The following PSMD13 variants were observed in gnomAD, a reference collection of about 807,000 sequenced individuals.
The protein encoded by PSMD13 is 26S proteasome non-ATPase regulatory subunit 13.
PSMD13 carries 8 observed loss-of-function variants against 57.4 expected under a neutral mutation model. That is an observed-to-expected ratio of 0.14 (90% CI 0.08 to 0.25). The LOEUF is 0.25. Among genes scored for constraint, PSMD13 ranks in the 10% least tolerant of loss-of-function variants. The pLI, the probability that PSMD13 is intolerant of heterozygous loss-of-function variation, is 1.00. For missense variants in PSMD13, 400 were observed against 461.5 expected, an observed-to-expected ratio of 0.87 and a Z score of 1.22; for synonymous variants, 193 against 168.2, an observed-to-expected ratio of 1.15 and a Z score of -1.14.
At chr11:247,198 C>CA (rs1255373723) in intron 6 of PSMD13, 79 bp from the exon 7 acceptor site, 1 of 1,425,672 alleles carries the variant, frequency 7.0e-7, no homozygotes, top group Non-Finnish European at 9.4e-7. Flanking sequence ...CCCTAGGCAA[C>CA]AGAGTGAGAC....
At position 239,236 on chromosome 11, in the gene PSMD13, G is replaced by A. The variant is rs562062923; in HGVS notation, c.174+160G>A. On this transcript the variant is annotated intron_variant, in intron 2 of 12. Transcript: ENST00000532097. The stretch of plus-strand genomic sequence containing the variant: ...CGCTTCACATATCCTTCATGACAAC[G>A]CTGGTCAGTAGATACTACTATCTCA... 8.5e-5 allele frequency among the ~76,000 whole-genome samples: 13 copies of A among 152,270 alleles called. 1 individual carries two copies. The South Asian group carries it at 1.4e-3, about 17-fold the overall frequency.
chr11:238,454 A>G (rs1032492613), intron 1 of PSMD13, among the ~76,000 whole-genome samples: 1 of 152,250 alleles, frequency 6.6e-6, no homozygotes, highest in Non-Finnish European at 1.5e-5. Context: ...CTGCTTTAGC[A>G]TTCTTTCTGC....
At chr11:250,894 C>T in intron 10 of PSMD13, 29 bp downstream of exon 10, 1 of 1,608,474 alleles carries the variant, frequency 6.2e-7, no homozygotes, top group Non-Finnish European at 8.5e-7. Context: ...GCCACTTTGT[C>T]TGTGGTTTCA....
At position 243,979 on chromosome 11, in the gene PSMD13, G is replaced by T. The variant is rs533873202; in HGVS notation, c.175-62G>T. ...GCTTCTTTACCAAAGATAGTGTTTG[G>T]GGTCTTCGTTTTGCAGAATAAAAGA... On this transcript the variant is annotated intron_variant, in intron 2 of 12. Coordinates refer to ENST00000532097, the MANE Select transcript of PSMD13 (RefSeq NM_002817.4). 36 of 1,500,516 alleles carry T rather than the reference G, an allele frequency of 2.4e-5. No individual in the cohort carries two copies. The South Asian group carries it at 3.7e-4, about 15-fold the overall frequency. 93.0% of individuals were successfully genotyped at this position (1,500,516 alleles called of 1,614,324 possible). A position where few individuals can be genotyped will look rare whatever the true frequency, so the allele number is the denominator to read the frequency against.
intron 9 of PSMD13, among the ~76,000 whole-genome samples, chr11:249,983 T>C (rs1482537599): frequency 6.6e-6 from 1 of 151,416 alleles, no homozygotes; most frequent in East Asian, 1.9e-4. Context: ...TTTATTGATA[T>C]CTCAAAAAAA....
chr11:238,251 C>A (rs931349090), intron 1 of PSMD13, among the ~76,000 whole-genome samples: 4 of 152,234 alleles, frequency 2.6e-5, no homozygotes, highest in African/African-American at 9.6e-5. Context: ...GAAGAGCCAG[C>A]ATCTCAAGTT....
chr11:240,212 C>A lies in PSMD13; in HGVS notation c.174+1136C>A, dbSNP rs1177164490. ...GCAACTTCCACCTCCCGAGTTCAAG[C>A]GATTCTTCTGCCTCAGCGTCCCAAG... On this transcript the variant is annotated intron_variant, in intron 2 of 12. Transcript: ENST00000532097. 2.8e-5 allele frequency among the ~76,000 whole-genome samples: 4 copies of A among 141,962 alleles called. No individual in the cohort carries two copies. The Admixed American group carries it at 3.1e-4, about 11-fold the overall frequency. 93.1% of individuals were successfully genotyped at this position (141,962 alleles called of 152,430 possible). A position where few individuals can be genotyped will look rare whatever the true frequency, so the allele number is the denominator to read the frequency against.
chr11:247,306 C>T lies in PSMD13; in HGVS notation c.426C>T (p.Leu142=). 6.2e-7 allele frequency: 1 copy of T among 1,613,462 alleles called. No individual in the cohort carries two copies. Among genetic ancestry groups the T allele is most frequent in the Non-Finnish European group, 8.5e-7 (1 of 1,179,758 alleles). Residue 142 remains leucine, a synonymous_variant, in exon 7 of 13, where the codon CTC becomes CTT. Transcript: ENST00000532097. The part of the protein sequence containing the change: ...KETIEDVEEM[L]NNLPGVTSVH... ...CAATTGAAGATGTTGAAGAAATGCT[C>T]AACAACCTTCCTGGTGTGACATCGG...
chr11:238,981 G>T lies in PSMD13; in HGVS notation c.96-17G>T. The T allele has an allele frequency of 1.9e-6, 3 of 1,612,294 alleles. No homozygotes were observed. Among genetic ancestry groups the T allele is most frequent in the Non-Finnish European group, 2.5e-6 (3 of 1,178,404 alleles). On this transcript the variant is annotated splice_polypyrimidine_tract_variant and intron_variant, in intron 1 of 12. Coordinates refer to ENST00000532097, the MANE Select transcript of PSMD13 (RefSeq NM_002817.4). The stretch of plus-strand genomic sequence containing the variant: ...TGGATATTAGGTTAGAGGTCTTAAG[G>T]GCTGTATGTTTTTCAGGTTGTGGCA...
intron 2 of PSMD13, among the ~76,000 whole-genome samples, chr11:240,988 C>G (rs182628336): frequency 6.6e-6 from 1 of 152,036 alleles, no homozygotes; most frequent in Non-Finnish European, 1.5e-5. Context: ...CCCGCCACCA[C>G]GCCTGGATAA....
chr11:248,724 C>T (rs1859705442), intron 7 of PSMD13, 52 bp from the exon 8 acceptor site: 2 of 1,541,226 alleles, frequency 1.3e-6, no homozygotes, highest in African/African-American at 1.4e-5. Flanking sequence ...TAAAGCTAAA[C>T]AGGACTGATT....
chr11:237,064 G>C lies in PSMD13; in HGVS notation c.15G>C (p.Pro5=). Residue 5 remains proline, a synonymous_variant, in exon 1 of 13, where the codon CCG becomes CCC. Coordinates refer to ENST00000532097, the MANE Select transcript of PSMD13 (RefSeq NM_002817.4). The stretch of plus-strand genomic sequence containing the variant: ...TTCCTGCTGTCATGAAGGACGTACC[G>C]GGCTTCCTACAGCAGAGCCAGAACT... MKDV[P]GFLQQSQNSG... is the part of the protein sequence containing the mutation. 6.2e-7 allele frequency: 1 copy of C among 1,613,848 alleles called. No individual in the cohort carries two copies. The highest frequency in any genetic ancestry group is 1.1e-5 in the South Asian group (1 of 91,064).
rs767140296 is a variant in PSMD13, at chr11:252,594, C to T, written c.1125C>T (p.Leu375=). The T allele has an allele frequency of 1.9e-6, 3 of 1,614,142 alleles. No homozygotes were observed. The highest frequency in any genetic ancestry group is 1.7e-6 in the Non-Finnish European group (2 of 1,179,968). The stretch of plus-strand genomic sequence containing the variant: ...TGGAGCACCAGGCCCATGACATCCT[C>T]ACCTAGGGCCCCCTGGTTCCCCGTC... ...MLVEHQAHDI[L]T Residue 375 remains leucine (L), a synonymous_variant, in exon 13 of 13, where the codon CTC becomes CTT. Coordinates refer to ENST00000532097, the MANE Select transcript of PSMD13 (RefSeq NM_002817.4). The surrounding 1 kb of genome is among the most constrained non-coding windows in gnomAD (Gnocchi z 4.1).
intron 1 of PSMD13, 110 bp from the exon 2 acceptor site, chr11:238,888 T>A: frequency 9.4e-7 from 1 of 1,068,192 alleles, no homozygotes; most frequent in Non-Finnish European, 1.4e-6. Flanking sequence ...TTTTGGAGTT[T>A]TGGATTAGAG....
In PSMD13 at chr11:249,574, GGGA is replaced by G. The variant is rs1399117509; in HGVS notation, c.774+519_774+521del. Among the ~76,000 whole-genome samples, 347 of 98,810 alleles carry G rather than the reference GGGA, an allele frequency of 3.5e-3. 1 individual carries two copies. Among genetic ancestry groups the G allele is most frequent in the African/African-American group, 0.011 (336 of 31,236 alleles). 64.8% of individuals were successfully genotyped at this position (98,810 alleles called of 152,430 possible). ...GGGGAGAGCGGCGGGTGCGGGGAGGGGGAGAGCGGCGGGTGCGGGGAGGGGGAG... is the reference window on the plus strand; with the variant it reads ...GGGGAGAGCGGCGGGTGCGGGGAGGGGAGCGGCGGGTGCGGGGAGGGGGAG... On this transcript the variant is annotated intron_variant, in intron 9 of 12. Transcript: ENST00000532097.
In PSMD13 at chr11:248,340, A is replaced by C. The variant is rs561709407; in HGVS notation, c.569-436A>C. The C allele has an allele frequency of 1.2e-4, 22 of 182,434 alleles. 1 individual carries two copies. In the South Asian group the frequency reaches 2.3e-3, roughly 19 times the overall value. The allele number at this position is 182,434 out of a possible 1,614,324, so 11.3% of individuals were successfully genotyped here. A position where few individuals can be genotyped will look rare whatever the true frequency, so the allele number is the denominator to read the frequency against. On this transcript the variant is annotated intron_variant, in intron 7 of 12. Transcript: ENST00000532097. ...TAACAGTGTTGATGCAGTTTTTATTACTGTATGTCAAGAAAAATATATCGG... is the reference window on the plus strand; with the variant it reads ...TAACAGTGTTGATGCAGTTTTTATTCCTGTATGTCAAGAAAAATATATCGG...
At position 240,185 on chromosome 11, in the gene PSMD13, C is replaced by G. The variant is rs150960282; in HGVS notation, c.174+1109C>G. The stretch of plus-strand genomic sequence containing the variant: ...AGTGCAATGGTGCGATCTTGGCTCA[C>G]TGCAACTTCCACCTCCCGAGTTCAA... On this transcript the variant is annotated intron_variant, in intron 2 of 12. Transcript: ENST00000532097. Among the ~76,000 whole-genome samples the G allele has an allele frequency of 9.6e-4, 127 of 132,810 alleles. 1 individual carries two copies. The highest frequency in any genetic ancestry group is 1.7e-3 in the Non-Finnish European group (113 of 64,844). 87.1% of individuals were successfully genotyped at this position (132,810 alleles called of 152,430 possible). A position where few individuals can be genotyped will look rare whatever the true frequency, so the allele number is the denominator to read the frequency against.
At chr11:238,538 G>A (rs1424379830) in intron 1 of PSMD13, among the ~76,000 whole-genome samples, 2 of 152,196 alleles carry the variant, frequency 1.3e-5, no homozygotes, top group African/African-American at 4.8e-5. Context: ...GGGCGCAGTG[G>A]CTCATGCCTG....
chr11:244,609 C>G (rs1859592764), intron 5 of PSMD13, 66 bp from the exon 6 acceptor site: 2 of 1,534,910 alleles, frequency 1.3e-6, no homozygotes, highest in Non-Finnish European at 1.8e-6. Context: ...GTACAAGTAG[C>G]TAGCTTCCTT....
Sources: gnomAD v4.1 joint callset for allele counts (sites outside exome capture counted in the v4.1 genomes callset) on GRCh38, gnomAD v4.1.1 for gene constraint, Gnocchi (gnomAD v3.1) non-coding constraint, MANE v1.5 for transcripts, NCBI Gene and HGNC (gene_info 2026-07-23, HGNC 2026-07-21) for gene names.